Variants in BACH2 observed in about 807,000 individuals in gnomAD.
The protein encoded by BACH2 is BACH transcriptional regulator 2.
Under a neutral mutation model 61.8 loss-of-function variants are expected in BACH2, and 5 were observed. That is an observed-to-expected ratio of 0.08 (90% CI 0.04 to 0.17). BACH2 has a LOEUF of 0.17. BACH2 is among the 10% of genes least tolerant of loss of function. The pLI, the probability that BACH2 is intolerant of heterozygous loss-of-function variation, is 1.00. For synonymous variants in BACH2, 446 were observed against 440.1 expected (o/e 1.01, Z -0.17); for missense variants, 824 against 1,091.1 (o/e 0.76, Z 3.45).
intron 5 of BACH2, among the ~76,000 whole-genome samples, chr6:90,013,204 T>TTGTCTGTGAATTATTA (rs1777820099): frequency 6.6e-6 from 1 of 152,218 alleles, no homozygotes; most frequent in Non-Finnish European, 1.5e-5. Context: ...GAAGATTATG[T>TTGTCTGTGAATTATTA]TGTCTGTGAA....
intron 5 of BACH2, among the ~76,000 whole-genome samples, chr6:90,019,399 G>A (rs1778257323): frequency 6.6e-6 from 1 of 152,176 alleles, no homozygotes; most frequent in African/African-American, 2.4e-5. Flanking sequence ...GAGTGGACCA[G>A]GCATGTTTGG....
intron 4 of BACH2, among the ~76,000 whole-genome samples, chr6:90,175,126 T>C (rs1445589716): frequency 1.3e-5 from 2 of 152,116 alleles, no homozygotes; most frequent in Non-Finnish European, 2.9e-5. Flanking sequence ...ATGTATGATA[T>C]ACTTCATAAT....
At chr6:90,067,796 C>T (rs148503440) in intron 5 of BACH2, among the ~76,000 whole-genome samples, 298 of 152,218 alleles carry the variant, frequency 2.0e-3, no homozygotes, top group African/African-American at 6.7e-3. Flanking sequence ...GGGAGTGTCA[C>T]CAAACACACA....
intron 5 of BACH2, among the ~76,000 whole-genome samples, chr6:90,056,006 A>G (rs1484414186): frequency 6.6e-6 from 1 of 152,216 alleles, no homozygotes; most frequent in Non-Finnish European, 1.5e-5. Context: ...GGTACCAGCC[A>G]CTGCAAAAAC....
intron 3 of BACH2, among the ~76,000 whole-genome samples, chr6:90,221,034 C>T (rs950080096): frequency 6.6e-6 from 1 of 152,082 alleles, no homozygotes; most frequent in Non-Finnish European, 1.5e-5. Flanking sequence ...CTTATGTGAA[C>T]TAACATGATA....
chr6:89,998,043 T>C (rs1287939846), intron 6 of BACH2, among the ~76,000 whole-genome samples: 2 of 152,212 alleles, frequency 1.3e-5, no homozygotes, highest in Admixed American at 6.5e-5. Context: ...CTGTCCTTTA[T>C]AAAACAGAAG....
intron 4 of BACH2, among the ~76,000 whole-genome samples, chr6:90,202,913 G>A (rs1257761174): frequency 1.3e-5 from 2 of 152,140 alleles, no homozygotes; most frequent in African/African-American, 2.4e-5. Flanking sequence ...ACAGAATCCT[G>A]TTCAATTGGC....
rs1369028065 is a variant in BACH2 at position 89,931,696 on chromosome 6, G to A, written c.*712C>T. On this transcript the variant is annotated 3_prime_UTR_variant, in exon 9 of 9. Transcript: ENST00000257749. ...TGGAGGTGCCAAAACCAAACCAAAC[G>A]AAAAAGAAATCTGAAATAAAACCTT... The A allele has an allele frequency of 6.6e-6, 1 of 152,370 alleles. No individual in the cohort carries two copies. The highest frequency in any genetic ancestry group is 1.5e-5 in the Non-Finnish European group (1 of 67,982). The allele number at this position is 152,370 out of a possible 1,614,324, so 9.4% of individuals were successfully genotyped here.
At chr6:90,231,266 C>G (rs536944475) in intron 3 of BACH2, among the ~76,000 whole-genome samples, 2 of 152,276 alleles carry the variant, frequency 1.3e-5, no homozygotes, top group Admixed American at 6.5e-5. Context: ...TATGTGCATA[C>G]TTTTTATCTA....
chr6:90,041,515 T>C (rs1256894295), intron 5 of BACH2, among the ~76,000 whole-genome samples: 1 of 152,088 alleles, frequency 6.6e-6, no homozygotes, highest in Non-Finnish European at 1.5e-5. Context: ...CATTTGGTTA[T>C]GGTACACTGT....
intron 1 of BACH2, among the ~76,000 whole-genome samples, chr6:90,295,967 C>A (rs964657803): frequency 6.6e-6 from 1 of 152,022 alleles, no homozygotes; most frequent in African/African-American, 2.4e-5. Context: ...CGCGGAGCAG[C>A]CCGGGATGCG....
Position 90,214,751 on chromosome 6 carries a change from CTTTT to C in BACH2, c.-274-8074_-274-8071del, listed in dbSNP as rs563651580. ...CTTTTCTGGGGCTTAGATTCTGTTC[CTTTT>C]TTTTTTTTTTTTTTTTTTTTTTCTG... On this transcript the variant is annotated intron_variant, in intron 3 of 8. Transcript: ENST00000257749. 7.0e-3 allele frequency among the ~76,000 whole-genome samples: 657 copies of C among 94,254 alleles called. 5 individuals carry two copies. The highest frequency in any genetic ancestry group is 0.025 in the African/African-American group (594 of 24,088). 61.8% of individuals were successfully genotyped at this position (94,254 alleles called of 152,430 possible).
chr6:90,058,225 C>G (rs1181580754), intron 5 of BACH2, among the ~76,000 whole-genome samples: 1 of 152,138 alleles, frequency 6.6e-6, no homozygotes, highest in Non-Finnish European at 1.5e-5. Context: ...TAGAAAACCC[C>G]ACTGTCTCAG....
rs1773988362 is a variant in BACH2 at position 89,950,146 on chromosome 6, C to T, written c.1836+124G>A. On this transcript the variant is annotated intron_variant, in intron 7 of 8. Transcript: ENST00000257749. The surrounding 1 kb of genome is among the most constrained non-coding windows in gnomAD (Gnocchi z 5.3). ...TGCCTCTGTGGATGGGGAAGGCAGTCTCTCTACTGTCATCTTTAATCTTAG... is the reference window on the plus strand; with the variant it reads ...TGCCTCTGTGGATGGGGAAGGCAGTTTCTCTACTGTCATCTTTAATCTTAG... 1 of 1,149,874 alleles carries T rather than the reference C, an allele frequency of 8.7e-7. No homozygotes were observed. Among genetic ancestry groups the T allele is most frequent in the Non-Finnish European group, 1.3e-6 (1 of 771,132 alleles). The allele number at this position is 1,149,874 out of a possible 1,614,324, so 71.2% of individuals were successfully genotyped here.
chr6:89,985,986 G>A (rs1462516131), intron 6 of BACH2, among the ~76,000 whole-genome samples: 1 of 152,212 alleles, frequency 6.6e-6, no homozygotes, highest in African/African-American at 2.4e-5. Flanking sequence ...GTGGGCTGCT[G>A]CCCACGTGCT....
chr6:90,116,720 C>CT, intron 4 of BACH2: 1 of 402,542 alleles, frequency 2.5e-6, no homozygotes. Flanking sequence ...CAGGTCCACA[C>CT]TTTGTCTACA....
At chr6:90,019,943 T>C (rs1778287401) in intron 5 of BACH2, among the ~76,000 whole-genome samples, 1 of 152,238 alleles carries the variant, frequency 6.6e-6, no homozygotes, top group Non-Finnish European at 1.5e-5. Flanking sequence ...GGGCATCTGC[T>C]TTTTGGGCTA....
intron 4 of BACH2, among the ~76,000 whole-genome samples, chr6:90,095,220 G>C (rs2127809547): frequency 7.2e-6 from 1 of 139,124 alleles, no homozygotes; most frequent in South Asian, 2.5e-4. Context: ...TGGAAATTCA[G>C]AGATGAAGTT....
chr6:90,143,764 C>A (rs1274636525), intron 4 of BACH2, among the ~76,000 whole-genome samples: 1 of 152,108 alleles, frequency 6.6e-6, no homozygotes, highest in African/African-American at 2.4e-5. Flanking sequence ...AGGGCTGCCC[C>A]CATTGGTTGG....
Sources: allele counts gnomAD v4.1 joint callset (sites outside exome capture counted in the v4.1 genomes callset), GRCh38; gene constraint gnomAD v4.1.1; non-coding constraint Gnocchi (gnomAD v3.1); transcripts MANE v1.5; gene names NCBI Gene and HGNC (gene_info 2026-07-23, HGNC 2026-07-21).